The following DLGAP2 variants were observed in gnomAD, a reference collection of about 807,000 sequenced individuals.
DLGAP2 encodes DLG associated protein 2.
Under a neutral mutation model 100.3 loss-of-function variants are expected in DLGAP2, and 26 were observed. That is an observed-to-expected ratio of 0.26 (90% CI 0.19 to 0.36). DLGAP2 has a LOEUF of 0.36. Among genes scored for constraint, DLGAP2 ranks in the 10% least tolerant of loss-of-function variants. DLGAP2 has a pLI of 1.00. For missense variants in DLGAP2, 1,858 were observed against 1,453.2 expected (o/e 1.28, Z -4.53); for synonymous variants, 886 against 630.1 (o/e 1.41, Z -6.08).
chr8:792,761 T>G (rs1251658421), intron 1 of DLGAP2, among the ~76,000 whole-genome samples: 1 of 152,242 alleles, frequency 6.6e-6, no homozygotes, highest in Non-Finnish European at 1.5e-5. Context: ...TTTTGTAAGT[T>G]TTGAATGAAA....
chr8:1,070,785 G>A (rs1223729912), intron 2 of DLGAP2, among the ~76,000 whole-genome samples: 5 of 152,172 alleles, frequency 3.3e-5, no homozygotes, highest in African/African-American at 7.2e-5. Context: ...GAAGAAGGAC[G>A]CGCTGGCTTT....
chr8:994,749 A>C (rs572403816), intron 2 of DLGAP2, among the ~76,000 whole-genome samples: 29 of 152,298 alleles, frequency 1.9e-4, no homozygotes, highest in Admixed American at 1.9e-3. Context: ...CTGAATAGTT[A>C]CAGGTCAGAC....
At chr8:973,210 C>T (rs914944121) in intron 2 of DLGAP2, among the ~76,000 whole-genome samples, 15 of 149,334 alleles carry the variant, frequency 1.0e-4, no homozygotes, top group South Asian at 6.4e-4. Flanking sequence ...GAGGCGACCC[C>T]CACCTCCCTC....
At chr8:1,022,855 T>A (rs1488972997) in intron 2 of DLGAP2, among the ~76,000 whole-genome samples, 1 of 152,200 alleles carries the variant, frequency 6.6e-6, no homozygotes, top group East Asian at 1.9e-4. Context: ...CACTCCTTCC[T>A]TGTTGGTATT....
chr8:799,089 C>G (rs558970725), intron 1 of DLGAP2, among the ~76,000 whole-genome samples: 3 of 152,298 alleles, frequency 2.0e-5, no homozygotes, highest in East Asian at 1.9e-4. Flanking sequence ...TGCCTCTCAC[C>G]CCACATGCTC....
intron 2 of DLGAP2, among the ~76,000 whole-genome samples, chr8:1,053,552 C>T (rs1802785457): frequency 6.6e-6 from 1 of 152,058 alleles, no homozygotes; most frequent in Non-Finnish European, 1.5e-5. Context: ...GAAGAAGAGA[C>T]AGACGCGTGA....
At chr8:762,050 C>G (rs772688530) in intron 1 of DLGAP2, among the ~76,000 whole-genome samples, 1 of 152,114 alleles carries the variant, frequency 6.6e-6, no homozygotes. Context: ...TGGGTTTTGG[C>G]GTATATCTTC....
At chr8:811,714 C>A (rs1298595509) in intron 1 of DLGAP2, among the ~76,000 whole-genome samples, 3 of 150,558 alleles carry the variant, frequency 2.0e-5, no homozygotes, top group Non-Finnish European at 3.0e-5. Flanking sequence ...ATGAAGCTCC[C>A]ATCATCCTTG....
chr8:1,196,380 C>T (rs544770843), intron 2 of DLGAP2, among the ~76,000 whole-genome samples: 2 of 152,288 alleles, frequency 1.3e-5, no homozygotes, highest in South Asian at 4.1e-4. Flanking sequence ...GGTGTCAGCA[C>T]AGGGGCTAAC....
chr8:1,264,212 C>G (rs1020045166), intron 3 of DLGAP2, among the ~76,000 whole-genome samples: 1 of 152,112 alleles, frequency 6.6e-6, no homozygotes, highest in African/African-American at 2.4e-5. Flanking sequence ...AGAAGGAATT[C>G]CAACCAGGGG....
At chr8:1,223,116 C>T (rs1022892252) in intron 2 of DLGAP2, among the ~76,000 whole-genome samples, 2 of 152,142 alleles carry the variant, frequency 1.3e-5, no homozygotes, top group African/African-American at 4.8e-5. Context: ...CGGGGAGATC[C>T]ATGTGAAGAG....
intron 1 of DLGAP2, among the ~76,000 whole-genome samples, chr8:749,048 G>A (rs575255854): frequency 2.0e-5 from 3 of 152,290 alleles, no homozygotes; most frequent in East Asian, 1.9e-4. Flanking sequence ...TACCCAGGCT[G>A]GAATGCAGGG....
Position 1,708,252 on chromosome 8 carries a change from A to G in DLGAP2, c.*6846A>G, listed in dbSNP as rs1031002931. The G allele has an allele frequency of 2.0e-5, 3 of 152,182 alleles. No homozygotes were observed. Among genetic ancestry groups the G allele is most frequent in the Non-Finnish European group, 4.4e-5 (3 of 68,036 alleles). The allele number at this position is 152,182 out of a possible 1,614,324, so 9.4% of individuals were successfully genotyped here. A position where few individuals can be genotyped will look rare whatever the true frequency, so the allele number is the denominator to read the frequency against. On this transcript the variant is annotated 3_prime_UTR_variant, in exon 15 of 15. Coordinates refer to ENST00000637795, the MANE Select transcript of DLGAP2 (RefSeq NM_001346810.2). ...AATGTTTACTTTTTTATTGGAGTGA[A>G]TTCTCGTGTTATTTTAATCTCAGAA...
At chr8:1,056,384 A>C (rs1802884737) in intron 2 of DLGAP2, among the ~76,000 whole-genome samples, 1 of 152,110 alleles carries the variant, frequency 6.6e-6, no homozygotes, top group African/African-American at 2.4e-5. Context: ...GGTTTACCTC[A>C]GCCTTCTCCC....
At chr8:1,178,836 C>T (rs1162571616) in intron 2 of DLGAP2, among the ~76,000 whole-genome samples, 1 of 152,226 alleles carries the variant, frequency 6.6e-6, no homozygotes, top group Non-Finnish European at 1.5e-5. Flanking sequence ...CCTGGTTTCT[C>T]ACAAGAGGGT....
At chr8:1,382,455 G>A (rs1319606860) in intron 3 of DLGAP2, among the ~76,000 whole-genome samples, 1 of 152,208 alleles carries the variant, frequency 6.6e-6, no homozygotes, top group Admixed American at 6.5e-5. Flanking sequence ...TGTATCATCG[G>A]TCAGGCGCAG....
rs572133646 is a variant in DLGAP2, at chr8:1,578,664, C to T, written c.1442+12770C>T. Among the ~76,000 whole-genome samples, 7 of 152,322 alleles carry T rather than the reference C, an allele frequency of 4.6e-5. No homozygotes were observed. In the East Asian group the frequency reaches 1.2e-3, roughly 25 times the overall value. On this transcript the variant is annotated intron_variant, in intron 6 of 14. Coordinates refer to ENST00000637795, the MANE Select transcript of DLGAP2 (RefSeq NM_001346810.2). ...AAAACTGAGAAAAAATCAGTCTTCT[C>T]GTTAATCACTTAATATGCACATCCT...
At chr8:828,835 G>C (rs750429347) in intron 1 of DLGAP2, among the ~76,000 whole-genome samples, 3 of 152,180 alleles carry the variant, frequency 2.0e-5, no homozygotes, top group Non-Finnish European at 4.4e-5. Context: ...CTTCTGCCAT[G>C]GCTTCAGCCG....
intron 1 of DLGAP2, among the ~76,000 whole-genome samples, chr8:746,176 G>A (rs967478686): frequency 6.6e-6 from 1 of 152,178 alleles, no homozygotes; most frequent in Non-Finnish European, 1.5e-5. Context: ...GGCCAAAGTG[G>A]GTGCCATCCC....
Sources: allele counts gnomAD v4.1 joint callset (sites outside exome capture counted in the v4.1 genomes callset), GRCh38; gene constraint gnomAD v4.1.1; transcripts MANE v1.5; gene names NCBI Gene and HGNC (gene_info 2026-07-23, HGNC 2026-07-21).